Variants in TMSB15B observed in about 807,000 individuals in gnomAD.
The protein encoded by TMSB15B is thymosin beta 15B, also known as thymosin beta-15B.
chrX:103,926,439 T>G (rs782303082), intron 1 of TMSB15B, among the ~76,000 whole-genome samples: 13 of 35,278 alleles, frequency 3.7e-4, no homozygotes, highest in African/African-American at 1.2e-3. Context: ...ATGGATAGAG[T>G]GGGGGGTATG....
chrX:103,941,095 G>C (rs782466540), intron 1 of TMSB15B, among the ~76,000 whole-genome samples: 36 of 111,895 alleles, frequency 3.2e-4, no homozygotes, highest in Admixed American at 4.7e-4. Flanking sequence ...TGGAAATGCA[G>C]AAATCACCCA....
intron 1 of TMSB15B, among the ~76,000 whole-genome samples, chrX:103,955,462 C>A (rs1447495491): frequency 9.1e-6 from 1 of 109,896 alleles, no homozygotes; most frequent in Non-Finnish European, 1.9e-5. Flanking sequence ...CCTGATAGAG[C>A]TGCAAAACAC....
intron 1 of TMSB15B, chrX:103,932,875 A>AT (rs1556320172): frequency 2.7e-5 from 3 of 112,127 alleles, no homozygotes; most frequent in African/African-American, 9.7e-5. Context: ...GTTTAAAGAC[A>AT]TAAAATATAC....
At chrX:103,939,555 T>A (rs1173350313) in intron 1 of TMSB15B, among the ~76,000 whole-genome samples, 2 of 111,049 alleles carry the variant, frequency 1.8e-5, no homozygotes, top group East Asian at 5.7e-4. Context: ...TGGCAATTCC[T>A]CAACCTTTTA....
chrX:103,945,500 A>C (rs1384298923), intron 1 of TMSB15B, among the ~76,000 whole-genome samples: 1 of 111,650 alleles, frequency 9.0e-6, no homozygotes, highest in African/African-American at 3.3e-5. Flanking sequence ...GTAAGAACTG[A>C]CTCACTCCCA....
intron 1 of TMSB15B, among the ~76,000 whole-genome samples, chrX:103,926,811 G>C (rs2074969552): frequency 9.1e-6 from 1 of 109,657 alleles, no homozygotes; most frequent in African/African-American, 3.3e-5. Context: ...TGGGTCTGCT[G>C]TTCCTGCCAG....
In TMSB15B at chrX:103,934,413, C is replaced by T. The variant is rs192995569; in HGVS notation, c.-721+15121C>T. ...CCTGCAGGTTTGTAACGTAGGTGTA[C>T]ATGTGCCATAGTGGTTTGCTGCACA... On this transcript the variant is annotated intron_variant, in intron 1 of 3. Coordinates refer to the TMSB15B transcript ENST00000419165. 9.2e-3 allele frequency among the ~76,000 whole-genome samples: 1,013 copies of T among 110,076 alleles called. 2 individuals carry two copies. Among genetic ancestry groups the T allele is most frequent in the Non-Finnish European group, 0.014 (758 of 52,734 alleles).
chrX:103,933,057 T>C (rs2074988525), intron 1 of TMSB15B: 1 of 112,055 alleles, frequency 8.9e-6, no homozygotes, highest in South Asian at 3.7e-4. Context: ...CAAATCATTA[T>C]ATGGTTTATT....
chrX:103,928,543 C>T (rs1556319345), intron 1 of TMSB15B: 28 of 1,187,612 alleles, frequency 2.4e-5, no homozygotes, highest in Non-Finnish European at 2.7e-5. Context: ...CAAGCAAGCT[C>T]GCTTACCCAG....
intron 1 of TMSB15B, among the ~76,000 whole-genome samples, chrX:103,951,706 G>C (rs782312575): frequency 9.0e-6 from 1 of 111,297 alleles, no homozygotes; most frequent in Non-Finnish European, 1.9e-5. Context: ...CAGGATAGTG[G>C]AGGGTATATG....
intron 1 of TMSB15B, among the ~76,000 whole-genome samples, chrX:103,930,416 T>C (rs2074981401): frequency 9.0e-6 from 1 of 111,513 alleles, no homozygotes; most frequent in African/African-American, 3.3e-5. Flanking sequence ...GATTCTGTTA[T>C]GTCACTAATC....
intron 1 of TMSB15B, among the ~76,000 whole-genome samples, chrX:103,936,209 G>A (rs1556321684): frequency 9.0e-6 from 1 of 111,511 alleles, no homozygotes; most frequent in Non-Finnish European, 1.9e-5. Context: ...TAGCTTGAAG[G>A]GAATAGCATT....
chrX:103,926,714 T>C (rs782804920), intron 1 of TMSB15B, among the ~76,000 whole-genome samples: 10 of 110,816 alleles, frequency 9.0e-5, no homozygotes, highest in Admixed American at 1.9e-4. Context: ...TCCTGGACTC[T>C]GTGGTCCCCC....
At chrX:103,931,182 A>G (rs1556319907) in intron 1 of TMSB15B, 1 of 111,676 alleles carries the variant, frequency 9.0e-6, no homozygotes. Flanking sequence ...GATGTGTTGG[A>G]ACAGTACTCA....
chrX:103,924,155 G>T (rs1356542168), intron 1 of TMSB15B, among the ~76,000 whole-genome samples: 2 of 111,223 alleles, frequency 1.8e-5, no homozygotes, highest in Non-Finnish European at 3.8e-5. Context: ...CCGAGGGCTG[G>T]CTGAATCCAG....
At chrX:103,922,033 G>A (rs782125105) in intron 1 of TMSB15B, among the ~76,000 whole-genome samples, 12 of 109,727 alleles carry the variant, frequency 1.1e-4, no homozygotes, top group Admixed American at 3.9e-4. Flanking sequence ...GCAGCTTTTA[G>A]AACAATTTAG....
chrX:103,921,897 G>A (rs1235279880), intron 1 of TMSB15B, among the ~76,000 whole-genome samples: 3 of 111,717 alleles, frequency 2.7e-5, no homozygotes, highest in Non-Finnish European at 5.6e-5. Flanking sequence ...CAACTTTTAA[G>A]TGCAGGCACT....
intron 1 of TMSB15B, among the ~76,000 whole-genome samples, chrX:103,927,420 G>A (rs1348977268): frequency 8.9e-6 from 1 of 111,958 alleles, no homozygotes; most frequent in South Asian, 3.7e-4. Flanking sequence ...TACAGGGTTA[G>A]GTTTGGAAAT....
intron 1 of TMSB15B, among the ~76,000 whole-genome samples, chrX:103,921,138 G>C (rs2074951346): frequency 8.9e-6 from 1 of 112,036 alleles, no homozygotes; most frequent in South Asian, 3.8e-4. Flanking sequence ...GTTCCTTGGA[G>C]TAAACAATAC....
Sources: allele counts gnomAD v4.1 joint callset (sites outside exome capture counted in the v4.1 genomes callset), GRCh38; gene constraint gnomAD v4.1.1; transcripts MANE v1.5; gene names NCBI Gene and HGNC (gene_info 2026-07-23, HGNC 2026-07-21).